DGKI: variants seen among roughly 807,000 people sequenced by gnomAD.
The protein encoded by DGKI is DAG kinase iota.
DGKI carries 55 observed loss-of-function variants against 147.5 expected under a neutral mutation model. That is an observed-to-expected ratio of 0.37 (90% CI 0.30 to 0.47). The LOEUF is 0.47. Ranked by LOEUF, DGKI falls within the 20% of genes least tolerant of loss-of-function variation. The pLI, the probability that DGKI is intolerant of heterozygous loss-of-function variation, is 1.00. For synonymous variants in DGKI, 469 were observed against 477.1 expected (o/e 0.98, Z 0.22); for missense variants, 1,007 against 1,323.8 (o/e 0.76, Z 3.71).
intron 1 of DGKI, 131 bp from the exon 2 acceptor site, chr7:137,690,133 C>A: frequency 1.6e-6 from 1 of 624,736 alleles, no homozygotes; most frequent in Non-Finnish European, 2.7e-6. Context: ...AAATCTTTAC[C>A]AAAGTATTGG....
At chr7:137,645,377 T>C in intron 6 of DGKI, 95 bp downstream of exon 6, 1 of 1,029,684 alleles carries the variant, frequency 9.7e-7, no homozygotes, top group South Asian at 1.6e-5. Context: ...ACTGATGCAG[T>C]GAACACTGGA....
intron 27 of DGKI, 24 bp from the exon 28 acceptor site, chr7:137,444,126 T>A: frequency 7.5e-7 from 1 of 1,327,810 alleles, no homozygotes; most frequent in Non-Finnish European, 1.0e-6. Context: ...ATAAGCATGA[T>A]CAATATTTTA....
Position 137,485,419 on chromosome 7 carries a change from C to T in DGKI, c.2329-1G>A, listed in dbSNP as rs1217490054. 21 of 1,603,118 alleles carry T rather than the reference C, an allele frequency of 1.3e-5. No homozygotes were observed. Among genetic ancestry groups the T allele is most frequent in the Non-Finnish European group, 1.7e-5 (20 of 1,175,080 alleles). ...AGCCAGAAGAAACTGACTGTAGGTC[C>T]TAATGAGAAAATGAAAAAAAAAATC... is the stretch of plus-strand genomic sequence containing the variant. On this transcript the variant is annotated splice_acceptor_variant, in intron 22 of 32. Transcript: ENST00000614521. LOFTEE classifies it high-confidence loss of function.
chr7:137,694,667 C>T (rs1823725573), intron 1 of DGKI, among the ~76,000 whole-genome samples: 1 of 152,218 alleles, frequency 6.6e-6, no homozygotes, highest in South Asian at 2.1e-4. Context: ...TACTCAGTGT[C>T]TTGGTTTGAT....
chr7:137,567,264 C>CAAAAA (rs3083517), intron 19 of DGKI, among the ~76,000 whole-genome samples: 15 of 124,684 alleles, frequency 1.2e-4, no homozygotes, highest in African/African-American at 3.7e-4. Context: ...AACTCCATCT[C>CAAAAA]AAAAAAAAAA....
chr7:137,472,346 T>TATATGTATATATACATATA, intron 23 of DGKI, among the ~76,000 whole-genome samples: 157 of 4,770 alleles, frequency 0.033, 20 homozygotes, highest in African/African-American at 0.097. Context: ...TACATATAAT[T>TATATGTATATATACATATA]ATTATATGTA....
chr7:137,521,132 G>T (rs1816946023), intron 21 of DGKI, among the ~76,000 whole-genome samples: 1 of 151,880 alleles, frequency 6.6e-6, no homozygotes, highest in African/African-American at 2.4e-5. Context: ...ACACTCTCAT[G>T]GTCTTAACTT....
intron 1 of DGKI, among the ~76,000 whole-genome samples, chr7:137,764,564 T>C (rs1014235793): frequency 6.6e-6 from 1 of 152,136 alleles, no homozygotes; most frequent in Non-Finnish European, 1.5e-5. Context: ...CTTAGATGCC[T>C]CCAAAGGCAG....
Position 137,621,332 on chromosome 7 carries a change from G to A in DGKI, c.877-1392C>T, listed in dbSNP as rs144644502. Reference sequence around the variant, plus strand: ...ACCACTGCATTTCTAAAACATTAGGGATCGCAGAGACTGCCTATGTCAAGT... The same window carrying A: ...ACCACTGCATTTCTAAAACATTAGGAATCGCAGAGACTGCCTATGTCAAGT... On this transcript the variant is annotated intron_variant, in intron 7 of 32. Transcript: ENST00000614521. Among the ~76,000 whole-genome samples the A allele has an allele frequency of 7.5e-3, 1,148 of 152,218 alleles. 15 individuals are homozygous for A. Among genetic ancestry groups the A allele is most frequent in the African/African-American group, 0.026 (1,085 of 41,522 alleles).
intron 1 of DGKI, among the ~76,000 whole-genome samples, chr7:137,781,544 AG>A (rs1269687726): frequency 6.6e-6 from 1 of 152,150 alleles, no homozygotes; most frequent in Non-Finnish European, 1.5e-5. Flanking sequence ...AGAGAAGAAA[AG>A]GGGTGAAGGA....
intron 18 of DGKI, 95 bp from the exon 19 acceptor site, chr7:137,571,381 A>G (rs184017105): frequency 6.1e-6 from 5 of 814,164 alleles, no homozygotes; most frequent in Admixed American, 6.4e-5. Context: ...ATGTTTATCA[A>G]ACATAAAAAC....
At chr7:137,437,375 T>C (rs1813325118) in intron 28 of DGKI, among the ~76,000 whole-genome samples, 1 of 152,158 alleles carries the variant, frequency 6.6e-6, no homozygotes, top group Admixed American at 6.5e-5. Flanking sequence ...TTAGAAAACA[T>C]AATTTTAAAA....
rs1290417230 is a variant in DGKI, at chr7:137,387,971, G to C, written c.*3249C>G. The C allele has an allele frequency of 2.0e-5, 3 of 152,186 alleles. No individual in the cohort carries two copies. The highest frequency in any genetic ancestry group is 7.2e-5 in the African/African-American group (3 of 41,456). 9.4% of individuals were successfully genotyped at this position (152,186 alleles called of 1,614,324 possible). ...GTGATGTTGAGTAGCTCCCAGCACA[G>C]GCAGATCTGCCAAAGCAGCCATTCT... On this transcript the variant is annotated 3_prime_UTR_variant, in exon 33 of 33. Transcript: ENST00000614521.
chr7:137,708,163 C>T (rs1794099901), intron 1 of DGKI, among the ~76,000 whole-genome samples: 1 of 152,184 alleles, frequency 6.6e-6, no homozygotes, highest in Non-Finnish European at 1.5e-5. Flanking sequence ...AGCCAGGTCG[C>T]CAAGCCTGGC....
At chr7:137,739,121 T>TC (rs1405593385) in intron 1 of DGKI, among the ~76,000 whole-genome samples, 1 of 152,102 alleles carries the variant, frequency 6.6e-6, no homozygotes, top group Non-Finnish European at 1.5e-5. Context: ...GGAGCTGAAA[T>TC]CCAGCCCATG....
At chr7:137,742,200 T>C (rs1263262186) in intron 1 of DGKI, among the ~76,000 whole-genome samples, 2 of 151,988 alleles carry the variant, frequency 1.3e-5, no homozygotes, top group Non-Finnish European at 2.9e-5. Flanking sequence ...GGCTCAGAGG[T>C]TGTTCCCAAA....
chr7:137,840,031 C>G (rs1440398216), intron 1 of DGKI, among the ~76,000 whole-genome samples: 1 of 152,218 alleles, frequency 6.6e-6, no homozygotes, highest in Admixed American at 6.5e-5. Context: ...ACAGCCCCCT[C>G]CTTCAGCTAA....
intron 30 of DGKI, among the ~76,000 whole-genome samples, chr7:137,407,135 G>C (rs1294615010): frequency 2.0e-5 from 3 of 152,156 alleles, no homozygotes; most frequent in African/African-American, 4.8e-5. Flanking sequence ...TAGCTAGGCA[G>C]TATTTTTCCC....
chr7:137,726,618 G>A (rs1268225544), intron 1 of DGKI, among the ~76,000 whole-genome samples: 2 of 152,068 alleles, frequency 1.3e-5, no homozygotes, highest in East Asian at 1.9e-4. Context: ...TCTTCTTCTG[G>A]AACTACAAGT....
Sources: allele counts gnomAD v4.1 joint callset (sites outside exome capture counted in the v4.1 genomes callset), GRCh38; gene constraint gnomAD v4.1.1; transcripts MANE v1.5; gene names NCBI Gene and HGNC (gene_info 2026-07-23, HGNC 2026-07-21).